SH3BP4: variants seen among roughly 807,000 people sequenced by gnomAD.
SH3BP4 encodes SH3 domain-binding protein 4.
SH3BP4 carries 33 observed loss-of-function variants against 65.5 expected under a neutral mutation model. That is an observed-to-expected ratio of 0.50 (90% CI 0.38 to 0.67). The LOEUF (loss-of-function observed/expected upper bound fraction) is 0.67. Ranked by LOEUF, SH3BP4 falls within the 30% of genes least tolerant of loss-of-function variation. SH3BP4 has a pLI of 0.00. For synonymous variants in SH3BP4, 552 were observed against 545.5 expected (o/e 1.01, Z -0.17); for missense variants, 1,134 against 1,261.4 (o/e 0.90, Z 1.53).
intron 1 of SH3BP4, among the ~76,000 whole-genome samples, chr2:234,964,897 G>A (rs1461893634): frequency 1.3e-5 from 2 of 152,032 alleles, no homozygotes; most frequent in Admixed American, 6.6e-5. Context: ...ATCCATCATC[G>A]ACGCCTGGCA....
chr2:234,982,431 A>G (rs554327373), intron 1 of SH3BP4, among the ~76,000 whole-genome samples: 7 of 152,272 alleles, frequency 4.6e-5, no homozygotes, highest in Admixed American at 3.9e-4. Flanking sequence ...CAGCTCGTAA[A>G]TGGAACTGTT....
rs1408995863 is a variant in SH3BP4 at position 235,034,210 on chromosome 2, A to T, written c.-132-661A>T. 6.6e-6 allele frequency among the ~76,000 whole-genome samples: 1 copy of T among 152,166 alleles called. No homozygotes were observed. The highest frequency in any genetic ancestry group is 1.9e-4 in the East Asian group (1 of 5,190). ...AGGGGTGATTCTTGTGGTCTCTTCC[A>T]CGGAAAGATCTTTCCTGCTTAGTAA... On this transcript the variant is annotated intron_variant, in intron 2 of 5. Transcript: ENST00000392011. This position sits in a 1 kb window ranked among gnomAD's most constrained non-coding sequence, Gnocchi z 6.2.
At chr2:235,032,220 A>T (rs904215468) in intron 2 of SH3BP4, among the ~76,000 whole-genome samples, 2 of 152,108 alleles carry the variant, frequency 1.3e-5, no homozygotes, top group African/African-American at 4.8e-5. Flanking sequence ...CCCTGACAGG[A>T]TGGGCAGGTG....
chr2:234,987,341 C>A (rs76536855), intron 1 of SH3BP4, among the ~76,000 whole-genome samples: 4 of 151,194 alleles, frequency 2.6e-5, no homozygotes, highest in Non-Finnish European at 2.9e-5. Context: ...AAAAAAAAGA[C>A]AGGGTCCCTG....
At chr2:234,970,865 T>C (rs1479199810) in intron 1 of SH3BP4, among the ~76,000 whole-genome samples, 1 of 152,104 alleles carries the variant, frequency 6.6e-6, no homozygotes, top group Non-Finnish European at 1.5e-5. Context: ...TTAACTGCGT[T>C]GGAATTGTTC....
intron 1 of SH3BP4, among the ~76,000 whole-genome samples, chr2:234,969,923 A>T (rs1424981069): frequency 6.8e-6 from 1 of 147,114 alleles, no homozygotes; most frequent in Non-Finnish European, 1.5e-5. Flanking sequence ...TCTGTCACAC[A>T]CACACATTTG....
chr2:235,042,449 A>AG lies in SH3BP4; in HGVS notation c.1682dup (p.Phe562IlefsTer25), dbSNP rs1468423910. On this transcript the variant is annotated frameshift_variant, in exon 4 of 6. Transcript: ENST00000392011. LOFTEE classifies it high-confidence loss of function. This position sits in a 1 kb window ranked among gnomAD's most constrained non-coding sequence, Gnocchi z 7.3. ...CCAGCGAGCAGGCCAAAGTGGTGCGAGGATTCCAGCTGAAGCTGGGCAAGG... is the reference window on the plus strand; with the variant it reads ...CCAGCGAGCAGGCCAAAGTGGTGCGAGGGATTCCAGCTGAAGCTGGGCAAGG... 1 of 1,614,170 alleles carries AG rather than the reference A, an allele frequency of 6.2e-7. No individual in the cohort carries two copies. Among genetic ancestry groups the AG allele is most frequent in the Non-Finnish European group, 8.5e-7 (1 of 1,180,038 alleles).
intron 2 of SH3BP4, among the ~76,000 whole-genome samples, chr2:235,019,235 A>C (rs1326542988): frequency 6.6e-6 from 1 of 152,118 alleles, no homozygotes; most frequent in African/African-American, 2.4e-5. Context: ...CAGGGAGCCC[A>C]GGAGGGCGCT....
At chr2:235,017,026 C>T (rs1371294928) in intron 2 of SH3BP4, among the ~76,000 whole-genome samples, 2 of 142,176 alleles carry the variant, frequency 1.4e-5, no homozygotes, top group East Asian at 4.2e-4. Context: ...CTTTCGGCAG[C>T]GAGTTTCTGT....
rs1039690116 is a variant in SH3BP4 at position 234,974,866 on chromosome 2, C to T, written c.-206-20437C>T. Among the ~76,000 whole-genome samples the T allele has an allele frequency of 6.6e-6, 1 of 152,136 alleles. No individual in the cohort carries two copies. Among genetic ancestry groups the T allele is most frequent in the Non-Finnish European group, 1.5e-5 (1 of 68,022 alleles). On this transcript the variant is annotated intron_variant, in intron 1 of 5. Coordinates refer to ENST00000392011, the MANE Select transcript of SH3BP4 (RefSeq NM_014521.3). This position sits in a 1 kb window ranked among gnomAD's most constrained non-coding sequence, Gnocchi z 4.6. ...CCCACACTGGGGGTGCTGCAGGTCGCGTTTCACCCTGGCACGCCCTGCCTG... is the reference window on the plus strand; with the variant it reads ...CCCACACTGGGGGTGCTGCAGGTCGTGTTTCACCCTGGCACGCCCTGCCTG...
intron 1 of SH3BP4, among the ~76,000 whole-genome samples, chr2:234,989,846 T>C (rs1439152630): frequency 3.3e-5 from 5 of 152,214 alleles, no homozygotes; most frequent in African/African-American, 1.2e-4. Flanking sequence ...CCGCGGGCTG[T>C]AGTTTGCCTC....
intron 1 of SH3BP4, among the ~76,000 whole-genome samples, chr2:234,957,396 C>G (rs1402743853): frequency 6.6e-6 from 1 of 151,906 alleles, no homozygotes; most frequent in Non-Finnish European, 1.5e-5. Context: ...GAGCTGGGTC[C>G]TGCTCACCAT....
At chr2:234,983,752 C>T (rs921182846) in intron 1 of SH3BP4, among the ~76,000 whole-genome samples, 4 of 152,190 alleles carry the variant, frequency 2.6e-5, no homozygotes, top group African/African-American at 9.6e-5. Context: ...GGAGCAGAGA[C>T]TGGAGTCCCG....
At chr2:235,010,241 G>C (rs1362984499) in intron 2 of SH3BP4, among the ~76,000 whole-genome samples, 1 of 152,110 alleles carries the variant, frequency 6.6e-6, no homozygotes, top group Non-Finnish European at 1.5e-5. Context: ...GTTTCTGTGA[G>C]CCCCCTTTGC....
chr2:234,961,638 GTGTACA>G lies in SH3BP4; in HGVS notation c.-207+9474_-207+9479del, dbSNP rs1692717599. On this transcript the variant is annotated intron_variant, in intron 1 of 5. Coordinates refer to ENST00000392011, the MANE Select transcript of SH3BP4 (RefSeq NM_014521.3). ...CATCATGCCTTGCTTCTTTTGTCTT[GTGTACA>G]TGTACCATAGTTTATTCTTAGATAC... Among the ~76,000 whole-genome samples, 3 of 152,080 alleles carry G rather than the reference GTGTACA, an allele frequency of 2.0e-5. 1 individual carries two copies. The highest frequency in any genetic ancestry group is 2.0e-4 in the Admixed American group (3 of 15,248).
chr2:234,975,836 A>G (rs575399573), intron 1 of SH3BP4, among the ~76,000 whole-genome samples: 1 of 152,262 alleles, frequency 6.6e-6, no homozygotes, highest in African/African-American at 2.4e-5. Flanking sequence ...CAGTCATGCC[A>G]TTGTACTCCA....
rs1692871903 is a variant in SH3BP4, at chr2:234,967,519, T to C, written c.-207+15349T>C. Among the ~76,000 whole-genome samples, 2 of 152,204 alleles carry C rather than the reference T, an allele frequency of 1.3e-5. No homozygotes were observed. Among genetic ancestry groups the C allele is most frequent in the African/African-American group, 4.8e-5 (2 of 41,446 alleles). On this transcript the variant is annotated intron_variant, in intron 1 of 5. Transcript: ENST00000392011. This position sits in a 1 kb window ranked among gnomAD's most constrained non-coding sequence, Gnocchi z 4.6. ...TGCTTGGAGTCTCCTGCAGCAGTCC[T>C]CGACCTTCCAGCCCTGCAGCTTCTG... is the stretch of plus-strand genomic sequence containing the variant.
chr2:235,041,462 G>A lies in SH3BP4; in HGVS notation c.693G>A (p.Pro231=), dbSNP rs756056111. The change falls in exon 4 of 6, where the codon CCG becomes CCA. Residue 231 remains proline (P), a synonymous_variant. Coordinates refer to ENST00000392011, the MANE Select transcript of SH3BP4 (RefSeq NM_014521.3). This position sits in a 1 kb window ranked among gnomAD's most constrained non-coding sequence, Gnocchi z 6.0. ...CAAACGGACTCCACGCAGAGCCGCC[G>A]GTCAGGCGGGACAACCCCTTCTTCA... ...PVTNGLHAEP[P]VRRDNPFFRS... The A allele has an allele frequency of 5.9e-5, 95 of 1,614,066 alleles. No homozygotes were observed. The Admixed American group carries it at 6.8e-4, about 12-fold the overall frequency.
chr2:235,052,847 T>A lies in SH3BP4; in HGVS notation c.2667+97T>A, dbSNP rs1696105953. 9 of 1,208,884 alleles carry A rather than the reference T, an allele frequency of 7.4e-6. No homozygotes were observed. Among genetic ancestry groups the A allele is most frequent in the Non-Finnish European group, 1.0e-5 (9 of 879,688 alleles). 74.9% of individuals were successfully genotyped at this position (1,208,884 alleles called of 1,614,324 possible). A position where few individuals can be genotyped will look rare whatever the true frequency, so the allele number is the denominator to read the frequency against. ...CCATAAAAAGTCTTGCCTCGCGGCA[T>A]TTCTGTGAGGGTGCAACAGGTGGAA... On this transcript the variant is annotated intron_variant, in intron 5 of 5. Transcript: ENST00000392011. This position sits in a 1 kb window ranked among gnomAD's most constrained non-coding sequence, Gnocchi z 5.0.
Sources: allele counts gnomAD v4.1 joint callset (sites outside exome capture counted in the v4.1 genomes callset), GRCh38; gene constraint gnomAD v4.1.1; non-coding constraint Gnocchi (gnomAD v3.1); transcripts MANE v1.5; gene names NCBI Gene and HGNC (gene_info 2026-07-23, HGNC 2026-07-21).